CFAP46: variants seen among roughly 807,000 people sequenced by gnomAD.
The protein encoded by CFAP46 is cilia and flagella associated protein 46, also known as cilia- and flagella-associated protein 46.
In CFAP46, 245 loss-of-function variants were observed where a neutral mutation model predicts 325.7. The observed-to-expected ratio is 0.75, with a 90% CI of 0.68 to 0.84. CFAP46 has a LOEUF of 0.84. Among genes scored for constraint, CFAP46 ranks in the 40% least tolerant of loss-of-function variants. CFAP46 has a pLI of 0.00. For missense variants in CFAP46, 3,346 were observed against 3,543.0 expected, an observed-to-expected ratio of 0.94 and a Z score of 1.41; for synonymous variants, 1,523 against 1,495.9, an observed-to-expected ratio of 1.02 and a Z score of -0.42.
At chr10:132,825,111 CTGA>C (rs1350171352) in intron 50 of CFAP46, among the ~76,000 whole-genome samples, 16 of 129,468 alleles carry the variant, frequency 1.2e-4, no homozygotes, top group South Asian at 1.0e-3. Context: ...CTGATGTGTG[CTGA>C]TGTGTGCACT....
At chr10:132,825,952 C>A (rs950511177) in intron 50 of CFAP46, among the ~76,000 whole-genome samples, 1 of 127,292 alleles carries the variant, frequency 7.9e-6, no homozygotes, top group Middle Eastern at 3.8e-3. Context: ...GGAACACGGC[C>A]GGCCACAGAG....
intron 57 of CFAP46, among the ~76,000 whole-genome samples, chr10:132,809,830 T>C (rs1359348707): frequency 2.6e-5 from 4 of 152,146 alleles, no homozygotes. Context: ...ACTTTTCCCC[T>C]GTGAGGCCAA....
intron 48 of CFAP46, 88 bp from the exon 49 acceptor site, chr10:132,834,211 C>G (rs1848200063): frequency 8.0e-7 from 1 of 1,248,138 alleles, no homozygotes; most frequent in South Asian, 1.3e-5. Context: ...CTGTTTCACT[C>G]TAAGGCAGCA....
chr10:132,937,148 TG>T, intron 6 of CFAP46, 93 bp from the exon 7 acceptor site: 1 of 649,914 alleles, frequency 1.5e-6, no homozygotes, highest in Non-Finnish European at 2.3e-6. Context: ...TCATTAATTT[TG>T]TATCTAGCTT....
At chr10:132,843,840 C>T (rs1464383146) in intron 44 of CFAP46, among the ~76,000 whole-genome samples, 2 of 77,506 alleles carry the variant, frequency 2.6e-5, no homozygotes, top group African/African-American at 5.2e-5. Flanking sequence ...GCTGTGGTCT[C>T]GGTGGGTGTT....
intron 32 of CFAP46, among the ~76,000 whole-genome samples, chr10:132,872,092 A>G (rs1186439615): frequency 6.6e-6 from 1 of 152,230 alleles, no homozygotes; most frequent in African/African-American, 2.4e-5. Flanking sequence ...TAACTTTTAT[A>G]TACTCTGGAA....
At chr10:132,866,696 C>CT (rs1041404754) in intron 34 of CFAP46, among the ~76,000 whole-genome samples, 4 of 152,198 alleles carry the variant, frequency 2.6e-5, no homozygotes, top group Non-Finnish European at 5.9e-5. Context: ...CCCCGCACTG[C>CT]TGTGTTCTGG....
intron 16 of CFAP46, among the ~76,000 whole-genome samples, chr10:132,917,702 A>G (rs1239635764): frequency 6.6e-6 from 1 of 152,224 alleles, no homozygotes; most frequent in African/African-American, 2.4e-5. Context: ...CCAAGAATCC[A>G]GGAAGTTTTC....
At chr10:132,820,649 GAGTGCTGA>G in intron 50 of CFAP46, among the ~76,000 whole-genome samples, 1 of 142,578 alleles carries the variant, frequency 7.0e-6, no homozygotes, top group South Asian at 2.5e-4. Flanking sequence ...TGTGTGCTGT[GAGTGCTGA>G]TGTGTGCTGT....
intron 4 of CFAP46, 128 bp downstream of exon 4, chr10:132,940,868 T>C: frequency 1.2e-6 from 1 of 865,738 alleles, no homozygotes; most frequent in Non-Finnish European, 1.9e-6. Context: ...TGATCACACG[T>C]GCATGAAAAT....
chr10:132,885,766 G>GGGGAGCACTCAGGCGGTGGA, intron 26 of CFAP46, 55 bp downstream of exon 26: 3 of 1,465,234 alleles, frequency 2.0e-6, no homozygotes, highest in Non-Finnish European at 1.8e-6. Flanking sequence ...CAGGCGGTGG[G>GGGGAGCACTCAGGCGGTGGA]GGGAGCACTC....
rs760390681 is a variant in CFAP46 at position 132,810,473 on chromosome 10, C to T, written c.7600G>A (p.Glu2534Lys). The T allele has an allele frequency of 6.2e-7, 1 of 1,613,640 alleles. No individual in the cohort carries two copies. Among genetic ancestry groups the T allele is most frequent in the Non-Finnish European group, 8.5e-7 (1 of 1,179,948 alleles). ...GACGCACTGTTTCTCCAATTGGCTT[C>T]CCAACGGCCAACAGATCTAGGGGAG... is the stretch of plus-strand genomic sequence containing the variant. Reference protein sequence around the residue: ...VEHRRSVGRWEANWRNSASPS... With the variant: ...VEHRRSVGRWKANWRNSASPS... Residue 2534 changes from glutamate to lysine, a missense_variant, in exon 57 of 58, where the codon GAA (glutamate) becomes AAA (lysine). By Grantham distance (56) the Glu-to-Lys change is moderately conservative. Coordinates refer to ENST00000368586, the MANE Select transcript of CFAP46 (RefSeq NM_001200049.3).
chr10:132,850,921 C>T (rs964197943), intron 40 of CFAP46, among the ~76,000 whole-genome samples, 196 bp downstream of exon 40: 4 of 152,182 alleles, frequency 2.6e-5, no homozygotes, highest in Non-Finnish European at 4.4e-5. Context: ...AATGGGACCT[C>T]GATTTCATGA....
At position 132,941,213 on chromosome 10, in the gene CFAP46, G is replaced by C. The variant is rs139905410; in HGVS notation, c.307-153C>G. ...TGACGGTGTGGCAGACACAGCCTGA[G>C]TGTCGTGGCGAGGTCCTGGACCTGC... is the stretch of plus-strand genomic sequence containing the variant. On this transcript the variant is annotated intron_variant, in intron 3 of 57. Coordinates refer to ENST00000368586, the MANE Select transcript of CFAP46 (RefSeq NM_001200049.3). Among the ~76,000 whole-genome samples the C allele has an allele frequency of 7.2e-3, 1,096 of 152,300 alleles. 19 individuals are homozygous for C. Among genetic ancestry groups the C allele is most frequent in the African/African-American group, 0.025 (1,034 of 41,554 alleles).
intron 50 of CFAP46, among the ~76,000 whole-genome samples, chr10:132,825,814 A>G (rs1013499519): frequency 6.6e-6 from 1 of 152,238 alleles, no homozygotes; most frequent in African/African-American, 2.4e-5. Flanking sequence ...GGTGAGAGAC[A>G]AAACAGGCTC....
chr10:132,833,377 G>A lies in CFAP46; in HGVS notation c.7098C>T (p.Arg2366=). The change falls in exon 50 of 58, where the codon CGC becomes CGT. Residue 2366 remains arginine (R), a synonymous_variant. Coordinates refer to ENST00000368586, the MANE Select transcript of CFAP46 (RefSeq NM_001200049.3). ...REFSLQMLWN[R]LHKEETEGGV... is the part of the protein sequence containing the mutation. Reference sequence around the variant, plus strand: ...TCCTACCTGTCTCTTCTTTATGGAGGCGATTCCACAGCATTTGAAGAGAAA... The same window carrying A: ...TCCTACCTGTCTCTTCTTTATGGAGACGATTCCACAGCATTTGAAGAGAAA... 6.2e-7 allele frequency: 1 copy of A among 1,613,980 alleles called. No homozygotes were observed.
At chr10:132,811,105 G>A (rs905103026) in intron 55 of CFAP46, 74 bp from the exon 56 acceptor site, 1 of 1,331,282 alleles carries the variant, frequency 7.5e-7, no homozygotes, top group African/African-American at 1.4e-5. Context: ...GGGCAGGTGG[G>A]GCCTGTGCCC....
intron 22 of CFAP46, among the ~76,000 whole-genome samples, chr10:132,903,793 A>G (rs956816957): frequency 3.9e-5 from 6 of 152,228 alleles, no homozygotes; most frequent in African/African-American, 1.4e-4. Flanking sequence ...TATATATAAA[A>G]TCACTGTTGG....
At chr10:132,908,680 A>G in intron 21 of CFAP46, 46 bp from the exon 22 acceptor site, 1 of 1,485,392 alleles carries the variant, frequency 6.7e-7, no homozygotes, top group Non-Finnish European at 9.0e-7. Flanking sequence ...AGCAACAACG[A>G]ACTTCCCACG....
Sources: gnomAD v4.1 joint callset for allele counts (sites outside exome capture counted in the v4.1 genomes callset) on GRCh38, gnomAD v4.1.1 for gene constraint, MANE v1.5 for transcripts, NCBI Gene and HGNC (gene_info 2026-07-23, HGNC 2026-07-21) for gene names.